The following LHFPL3 variants were observed in gnomAD, a reference collection of about 807,000 sequenced individuals.
LHFPL3 encodes the protein LHFPL tetraspan subfamily member 3.
LHFPL3 carries 5 observed loss-of-function variants against 19.3 expected under a neutral mutation model. The observed-to-expected ratio is 0.26, with a 90% CI of 0.14 to 0.54. LHFPL3 has a LOEUF of 0.54. Ranked by LOEUF, LHFPL3 falls within the 20% of genes least tolerant of loss-of-function variation. The pLI is 0.94. For synonymous variants in LHFPL3, 133 were observed against 126.2 expected (o/e 1.05, Z -0.36); for missense variants, 249 against 307.4 (o/e 0.81, Z 1.42).
chr7:104,576,065 A>G (rs776573800), intron 1 of LHFPL3, among the ~76,000 whole-genome samples: 1 of 152,190 alleles, frequency 6.6e-6, no homozygotes, highest in Non-Finnish European at 1.5e-5. Context: ...TCCTAAGTCA[A>G]TGAATGATTT....
At chr7:104,733,814 C>A (rs550432806) in intron 1 of LHFPL3, among the ~76,000 whole-genome samples, 34 of 152,284 alleles carry the variant, frequency 2.2e-4, no homozygotes, top group African/African-American at 8.2e-4. Context: ...TTCTTCCTAG[C>A]ATCGATGGGC....
intron 1 of LHFPL3, among the ~76,000 whole-genome samples, chr7:104,426,276 G>A (rs1424138012): frequency 6.6e-6 from 1 of 151,190 alleles, no homozygotes; most frequent in Non-Finnish European, 1.5e-5. Context: ...TTGTTTTTGA[G>A]ATGGAGTTTT....
intron 2 of LHFPL3, among the ~76,000 whole-genome samples, chr7:104,889,639 C>T (rs530804853): frequency 5.3e-5 from 8 of 152,090 alleles, no homozygotes; most frequent in Admixed American, 3.9e-4. Context: ...GACTCTGTCT[C>T]AGAAACAAAA....
At chr7:104,841,492 G>GTT (rs11419624) in intron 2 of LHFPL3, among the ~76,000 whole-genome samples, 1 of 141,188 alleles carries the variant, frequency 7.1e-6, no homozygotes, top group East Asian at 2.1e-4. Context: ...GCATTATGTG[G>GTT]GGTGTGTGTG....
rs191129627 is a variant in LHFPL3, at chr7:104,396,783, C to T, written c.445+67559C>T. On this transcript the variant is annotated intron_variant, in intron 1 of 2. Transcript: ENST00000424859. ...GCTAGCCTGGGCAACACGGCAAAATCCTGCCTCTACCAAAAACACACACAC... is the reference window on the plus strand; with the variant it reads ...GCTAGCCTGGGCAACACGGCAAAATTCTGCCTCTACCAAAAACACACACAC... Among the ~76,000 whole-genome samples, 201 of 151,912 alleles carry T rather than the reference C, an allele frequency of 1.3e-3. 3 individuals carry two copies. The highest frequency in any genetic ancestry group is 0.013 in the Admixed American group (200 of 15,228).
intron 1 of LHFPL3, among the ~76,000 whole-genome samples, chr7:104,585,693 C>A (rs960522692): frequency 1.3e-5 from 2 of 152,090 alleles, no homozygotes; most frequent in African/African-American, 4.8e-5. Flanking sequence ...ACATGCTCCA[C>A]AGAAATGAAA....
chr7:104,369,983 C>CA (rs1452417569), intron 1 of LHFPL3, among the ~76,000 whole-genome samples: 7 of 151,974 alleles, frequency 4.6e-5, no homozygotes, highest in Admixed American at 4.6e-4. Context: ...ATTAATTTAA[C>CA]AAAAATAATG....
chr7:104,880,894 G>A (rs1328070431), intron 2 of LHFPL3, among the ~76,000 whole-genome samples: 1 of 152,190 alleles, frequency 6.6e-6, no homozygotes, highest in Non-Finnish European at 1.5e-5. Context: ...TGTGTGGCCA[G>A]GCGCGGTGGC....
At chr7:104,889,362 G>A (rs757853100) in intron 2 of LHFPL3, among the ~76,000 whole-genome samples, 1 of 152,148 alleles carries the variant, frequency 6.6e-6, no homozygotes, top group Non-Finnish European at 1.5e-5. Context: ...TTTCCAGGCC[G>A]AGCGTGGTGG....
chr7:104,470,341 C>T (rs933494970), intron 1 of LHFPL3, among the ~76,000 whole-genome samples: 1 of 152,168 alleles, frequency 6.6e-6, no homozygotes, highest in Non-Finnish European at 1.5e-5. Flanking sequence ...CATATTCATC[C>T]TCTTATTTTT....
intron 1 of LHFPL3, among the ~76,000 whole-genome samples, chr7:104,437,497 G>C (rs935390918): frequency 9.2e-5 from 14 of 152,206 alleles, no homozygotes; most frequent in African/African-American, 3.1e-4. Context: ...ACAGGTTAAG[G>C]TTTCCGTCCC....
intron 1 of LHFPL3, among the ~76,000 whole-genome samples, chr7:104,679,671 C>T (rs1792659423): frequency 6.6e-6 from 1 of 152,178 alleles, no homozygotes; most frequent in African/African-American, 2.4e-5. Flanking sequence ...ACTTTTTCCC[C>T]TCTTGGAGTT....
chr7:104,464,212 C>A (rs1264090774), intron 1 of LHFPL3, among the ~76,000 whole-genome samples: 2 of 152,210 alleles, frequency 1.3e-5, no homozygotes, highest in African/African-American at 2.4e-5. Flanking sequence ...ACGCCCGGGT[C>A]ACACAGATAC....
At chr7:104,475,021 A>C (rs1792983835) in intron 1 of LHFPL3, among the ~76,000 whole-genome samples, 1 of 152,246 alleles carries the variant, frequency 6.6e-6, no homozygotes, top group Non-Finnish European at 1.5e-5. Flanking sequence ...GTTTTAGGCC[A>C]TGGGAGCCAT....
chr7:104,667,936 A>G, intron 1 of LHFPL3: 1 of 1,613,346 alleles, frequency 6.2e-7, no homozygotes, highest in South Asian at 1.1e-5. Flanking sequence ...GACGATGTGT[A>G]CAGGGCGCCT....
rs530155493 is a variant in LHFPL3 at position 104,908,392 on chromosome 7, T to C, written c.*2177T>C. Among the ~76,000 whole-genome samples, 1 of 148,192 alleles carries C rather than the reference T, an allele frequency of 6.7e-6. No individual in the cohort carries two copies. Among genetic ancestry groups the C allele is most frequent in the East Asian group, 2.0e-4 (1 of 5,118 alleles). On this transcript the variant is annotated 3_prime_UTR_variant, in exon 3 of 3. Transcript: ENST00000424859. ...TATAAGAAGTAGGTTTTTATCTTTTTAAAAAAAAAACAAAAAAGGTGACTC... is the reference window on the plus strand; with the variant it reads ...TATAAGAAGTAGGTTTTTATCTTTTCAAAAAAAAAACAAAAAAGGTGACTC...
intron 1 of LHFPL3, among the ~76,000 whole-genome samples, chr7:104,583,207 G>A (rs1790496441): frequency 6.6e-6 from 1 of 152,076 alleles, no homozygotes; most frequent in Admixed American, 6.6e-5. Flanking sequence ...ACAAGCAATG[G>A]GGAAAGGATT....
intron 1 of LHFPL3, among the ~76,000 whole-genome samples, chr7:104,431,603 T>G (rs1055092390): frequency 6.6e-6 from 1 of 152,216 alleles, no homozygotes; most frequent in Non-Finnish European, 1.5e-5. Flanking sequence ...GCTTCCAAAG[T>G]GGGCTCTTTT....
intron 1 of LHFPL3, among the ~76,000 whole-genome samples, chr7:104,408,753 G>T (rs1791471269): frequency 6.6e-6 from 1 of 151,908 alleles, no homozygotes. Flanking sequence ...TCTGAGGCAT[G>T]TTCTCACTCA....
Sources: allele counts gnomAD v4.1 joint callset (sites outside exome capture counted in the v4.1 genomes callset), GRCh38; gene constraint gnomAD v4.1.1; transcripts MANE v1.5; gene names NCBI Gene and HGNC (gene_info 2026-07-23, HGNC 2026-07-21).